The following JCAD variants were observed in gnomAD, a reference collection of about 807,000 sequenced individuals.
JCAD encodes junctional cadherin 5-associated protein.
JCAD carries 40 observed loss-of-function variants against 98.0 expected under a neutral mutation model. The ratio of observed to expected loss-of-function variants is 0.41; its 90% CI spans 0.32 to 0.53. JCAD has a LOEUF of 0.53. JCAD is among the 20% of genes least tolerant of loss of function. The probability of loss-of-function intolerance (pLI) is 0.31; values close to 1 mark genes in which losing one functional copy is unlikely to be tolerated. For synonymous variants in JCAD, 691 were observed against 682.3 expected, an observed-to-expected ratio of 1.01 and a Z score of -0.20; for missense variants, 1,705 against 1,738.1, an observed-to-expected ratio of 0.98 and a Z score of 0.34.
At chr10:30,020,059 T>C (rs994410313) in intron 3 of JCAD, among the ~76,000 whole-genome samples, 4 of 148,682 alleles carry the variant, frequency 2.7e-5, no homozygotes, top group Non-Finnish European at 4.4e-5. Context: ...CCGGGCGAGG[T>C]GGCTCATGCC....
chr10:30,019,605 C>A (rs1836615246), intron 3 of JCAD, among the ~76,000 whole-genome samples: 1 of 150,516 alleles, frequency 6.6e-6, no homozygotes, highest in African/African-American at 2.4e-5. Flanking sequence ...GGGTGGTTGC[C>A]AGGGGCTGGG....
intron 1 of JCAD, among the ~76,000 whole-genome samples, chr10:30,105,832 C>T (rs929489595): frequency 5.3e-5 from 8 of 152,238 alleles, no homozygotes; most frequent in South Asian, 2.1e-4. Context: ...TTAATTGACA[C>T]GACTGCTTTT....
At position 30,021,387 on chromosome 10, in the gene JCAD, T is replaced by C. The variant is rs142745723; in HGVS notation, c.4046-3470A>G. ...TTTTGTTTTTCAGTTTTTGTAGAGATGGGGGTCTCGCTATGTTGCCCAGGC... is the reference window on the plus strand; with the variant it reads ...TTTTGTTTTTCAGTTTTTGTAGAGACGGGGGTCTCGCTATGTTGCCCAGGC... On this transcript the variant is annotated intron_variant, in intron 3 of 3. Transcript: ENST00000375377. Among the ~76,000 whole-genome samples the C allele has an allele frequency of 3.0e-3, 457 of 152,232 alleles. 3 individuals are homozygous for C. The highest frequency in any genetic ancestry group is 0.01 in the Middle Eastern group (3 of 294).
chr10:30,086,555 C>A (rs1838169970), intron 1 of JCAD, among the ~76,000 whole-genome samples: 1 of 152,222 alleles, frequency 6.6e-6, no homozygotes, highest in Non-Finnish European at 1.5e-5. Flanking sequence ...TGTCACAAAT[C>A]CTGATCATTA....
At chr10:30,075,879 G>T (rs1261177891) in intron 1 of JCAD, among the ~76,000 whole-genome samples, 3 of 152,162 alleles carry the variant, frequency 2.0e-5, no homozygotes. Flanking sequence ...TGCTTGACAC[G>T]GCTGTATCCT....
At chr10:30,100,675 G>A (rs921206203) in intron 1 of JCAD, among the ~76,000 whole-genome samples, 11 of 152,080 alleles carry the variant, frequency 7.2e-5, no homozygotes, top group African/African-American at 9.7e-5. Context: ...TGAGCCACCC[G>A]ACCCTGGCCT....
chr10:30,054,789 C>T (rs895509930), intron 1 of JCAD, among the ~76,000 whole-genome samples: 3 of 151,644 alleles, frequency 2.0e-5, no homozygotes, highest in Non-Finnish European at 4.4e-5. Flanking sequence ...CCTGCCTCAG[C>T]CTCCGGAGTA....
chr10:30,065,083 T>G (rs11007883), intron 2 of JCAD, among the ~76,000 whole-genome samples: 4,941 of 152,276 alleles, frequency 0.032, 259 homozygotes, highest in African/African-American at 0.11. Context: ...ATAGAGAGTA[T>G]ATTGGTGGGT....
intron 1 of JCAD, among the ~76,000 whole-genome samples, chr10:30,100,554 T>C (rs189403655): frequency 6.6e-6 from 1 of 152,246 alleles, no homozygotes; most frequent in East Asian, 1.9e-4. Flanking sequence ...GCTAATTTTT[T>C]GGTATTTGTA....
intron 1 of JCAD, among the ~76,000 whole-genome samples, chr10:30,082,865 A>AAC (rs1335557272): frequency 2.5e-4 from 38 of 149,222 alleles, no homozygotes; most frequent in African/African-American, 9.1e-4. Context: ...AAAAAAAAAA[A>AAC]AAAAAAAAAA....
At position 30,112,637 on chromosome 10, in the gene JCAD, C is replaced by T. The variant is rs561132647; in HGVS notation, n.128+2730G>A. 1.1e-3 allele frequency among the ~76,000 whole-genome samples: 163 copies of T among 151,818 alleles called. 1 individual carries two copies. The highest frequency in any genetic ancestry group is 1.8e-3 in the Non-Finnish European group (123 of 67,944). ...CTGTAATCCTAGCACTTTTGGAAGC[C>T]GACATGGGTGGATCACCTGAAGTCA... On this transcript the variant is annotated intron_variant and non_coding_transcript_variant, in intron 1 of 2. Coordinates refer to the JCAD transcript ENST00000465712.
At chr10:30,078,607 G>A (rs1798622180) in intron 1 of JCAD, among the ~76,000 whole-genome samples, 1 of 152,172 alleles carries the variant, frequency 6.6e-6, no homozygotes, top group African/African-American at 2.4e-5. Context: ...GCAAGACCAT[G>A]AAATTATACC....
chr10:30,058,347 G>T (rs1406454832), intron 1 of JCAD, among the ~76,000 whole-genome samples: 1 of 152,108 alleles, frequency 6.6e-6, no homozygotes, highest in African/African-American at 2.4e-5. Context: ...ATGAGGACAC[G>T]GGAGGCGGGT....
rs375765030 is a variant in JCAD at position 30,029,543 on chromosome 10, C to A, written c.605G>T (p.Gly202Val). Reference sequence around the variant, plus strand: ...GTCTTGAAACAGTCTCTCCCCATCTCCATCAGACATCTGCCTCCCTAATTT... The same window carrying A: ...GTCTTGAAACAGTCTCTCCCCATCTACATCAGACATCTGCCTCCCTAATTT... ...PRKLGRQMSD[G>V]DGERLFQDLY... The change falls in exon 3 of 4, where the codon GGA becomes GTA. Residue 202 changes from glycine (G) to valine (V), a missense_variant. Gly to Val is a moderately radical substitution (Grantham distance 109, BLOSUM62 -3). Around this residue, in one of 3 missense-constraint regions of JCAD, gnomAD observed 275 missense variants for 346.9 expected, o/e 0.79. Transcript: ENST00000375377. 1 of 1,614,118 alleles carries A rather than the reference C, an allele frequency of 6.2e-7. No homozygotes were observed. The highest frequency in any genetic ancestry group is 1.3e-5 in the African/African-American group (1 of 74,948).
At chr10:30,107,589 A>G (rs75181661) in intron 1 of JCAD, among the ~76,000 whole-genome samples, 1 of 152,368 alleles carries the variant, frequency 6.6e-6, no homozygotes, top group East Asian at 1.9e-4. Context: ...TCAGTTGAGC[A>G]GCCGTCGCCA....
intron 1 of JCAD, among the ~76,000 whole-genome samples, chr10:30,087,252 C>G (rs959561341): frequency 1.3e-5 from 2 of 152,012 alleles, no homozygotes; most frequent in Non-Finnish European, 2.9e-5. Context: ...CTAGCCTGGC[C>G]AACATGGTGA....
intron 1 of JCAD, among the ~76,000 whole-genome samples, chr10:30,098,840 G>A (rs545065680): frequency 6.6e-6 from 1 of 152,034 alleles, no homozygotes; most frequent in African/African-American, 2.4e-5. Flanking sequence ...TTACTACATC[G>A]TCCCCCAAAA....
chr10:30,048,052 T>C (rs1837391184), intron 1 of JCAD, among the ~76,000 whole-genome samples, 181 bp from the exon 2 acceptor site: 1 of 152,150 alleles, frequency 6.6e-6, no homozygotes, highest in South Asian at 2.1e-4. Flanking sequence ...TCTATTCACC[T>C]AGAAAGTGGG....
chr10:30,091,162 A>G (rs559643191), intron 1 of JCAD, among the ~76,000 whole-genome samples: 2 of 152,368 alleles, frequency 1.3e-5, no homozygotes, highest in Admixed American at 6.5e-5. Context: ...TTAAGAGATC[A>G]CTAAACAGAG....
Sources: allele counts gnomAD v4.1 joint callset (sites outside exome capture counted in the v4.1 genomes callset), GRCh38; gene constraint gnomAD v4.1.1; regional missense constraint gnomAD v4.1.1; transcripts MANE v1.5; gene names NCBI Gene and HGNC (gene_info 2026-07-23, HGNC 2026-07-21).